The following ZNF787 variants were observed in gnomAD, a reference collection of about 807,000 sequenced individuals.
ZNF787 encodes TTF-I-interacting peptide 20.
A neutral mutation model predicts 16.9 loss-of-function variants in ZNF787; 7 were observed. The ratio of observed to expected loss-of-function variants is 0.42; its 90% CI spans 0.24 to 0.78. ZNF787 has a LOEUF of 0.78. ZNF787 is among the 30% of genes least tolerant of loss of function. ZNF787 has a pLI of 0.30. For synonymous variants in ZNF787, 345 were observed against 270.9 expected (o/e 1.27, Z -2.69); for missense variants, 551 against 589.3 (o/e 0.94, Z 0.67).
chr19:56,099,173 C>T (rs1985995015), intron 2 of ZNF787, among the ~76,000 whole-genome samples: 2 of 152,166 alleles, frequency 1.3e-5, no homozygotes, highest in Admixed American at 1.3e-4. Context: ...AGTGGCTTCC[C>T]AGGGCCCTCG....
intron 1 of ZNF787, among the ~76,000 whole-genome samples, chr19:56,114,912 C>T (rs1049846592): frequency 6.6e-6 from 1 of 152,160 alleles, no homozygotes; most frequent in African/African-American, 2.4e-5. Context: ...CAGCGCCACC[C>T]CTCCACTCCC....
In ZNF787 at chr19:56,113,293, T is replaced by C. The variant is rs1273164490; in HGVS notation, c.-11+7879A>G. On this transcript the variant is annotated intron_variant, in intron 1 of 2. Transcript: ENST00000610935. ...ACCCCCATTGCTGGTGCGGGCGCCATAGGAAACACCTGGCAGTTAGTTCCT... is the reference window on the plus strand; with the variant it reads ...ACCCCCATTGCTGGTGCGGGCGCCACAGGAAACACCTGGCAGTTAGTTCCT... Among the ~76,000 whole-genome samples, 5 of 152,040 alleles carry C rather than the reference T, an allele frequency of 3.3e-5. 1 individual carries two copies. Among genetic ancestry groups the C allele is most frequent in the Admixed American group, 1.3e-4 (2 of 15,274 alleles).
At chr19:56,107,467 C>T (rs59802422) in intron 1 of ZNF787, among the ~76,000 whole-genome samples, 3,726 of 151,818 alleles carry the variant, frequency 0.025, 157 homozygotes, top group African/African-American at 0.086. Flanking sequence ...AAACGAGGGT[C>T]ACCGGGAGAC....
At chr19:56,112,291 C>A (rs1221052524) in intron 1 of ZNF787, among the ~76,000 whole-genome samples, 1 of 152,118 alleles carries the variant, frequency 6.6e-6, no homozygotes, top group East Asian at 1.9e-4. Context: ...AAACGAGGGT[C>A]CCGGCCTCCC....
intron 1 of ZNF787, among the ~76,000 whole-genome samples, chr19:56,103,896 C>T (rs1166114720): frequency 1.6e-4 from 6 of 38,196 alleles, no homozygotes; most frequent in Non-Finnish European, 2.6e-4. Flanking sequence ...TCCCTACGCA[C>T]GCCGCCGACC....
rs1184265843 is a variant in ZNF787 at position 56,088,390 on chromosome 19, CCCGCCATGGCTGCCGCGG to C, written c.764_781del (p.Ala255_Ala260del). The C allele has an allele frequency of 1.2e-5, 13 of 1,104,490 alleles. No homozygotes were observed. The highest frequency in any genetic ancestry group is 1.4e-5 in the Non-Finnish European group (13 of 906,758). The allele number at this position is 1,104,490 out of a possible 1,614,324, so 68.4% of individuals were successfully genotyped here. On this transcript the variant is annotated inframe_deletion, in exon 3 of 3. Coordinates refer to ENST00000610935, the MANE Select transcript of ZNF787 (RefSeq NM_001002836.4). The surrounding 1 kb of genome is among the most constrained non-coding windows in gnomAD (Gnocchi z 8.6). ...GGGCCCCGCGGCCTTTGCCCCCGCG[CCCGCCATGGCTGCCGCGG>C]CCGCGGCCCCCTCGCCCGGCGCGCC... is the stretch of plus-strand genomic sequence containing the variant.
chr19:56,093,512 G>A (rs1253923560), intron 2 of ZNF787, among the ~76,000 whole-genome samples: 1 of 152,172 alleles, frequency 6.6e-6, no homozygotes, highest in Non-Finnish European at 1.5e-5. Context: ...TCCGTCAGGT[G>A]CAGGTCTTGG....
At chr19:56,089,185 C>T (rs1287934680) in intron 2 of ZNF787, 93 bp from the exon 3 acceptor site, 4 of 940,970 alleles carry the variant, frequency 4.3e-6, no homozygotes, top group East Asian at 3.0e-5. Flanking sequence ...TGCCTCGCTC[C>T]CCCTGGCGCA....
intron 1 of ZNF787, among the ~76,000 whole-genome samples, chr19:56,120,357 G>T (rs529999050): frequency 6.6e-4 from 100 of 152,272 alleles, no homozygotes; most frequent in Non-Finnish European, 1.0e-3. Context: ...GGAGGGCGGG[G>T]CTCCACTCTG....
At chr19:56,102,714 G>C (rs980279843) in intron 2 of ZNF787, 2 of 559,572 alleles carry the variant, frequency 3.6e-6, no homozygotes, top group African/African-American at 3.8e-5. Flanking sequence ...CGGGTTCCCT[G>C]CGCTCCTGGG....
rs533076346 is a variant in ZNF787, at chr19:56,087,945, T to G, written c.*78A>C. ...CCATCGCACCCCGTCCGCTTCTCCC[T>G]GGGTCTCTTGGTCTTGCACGTCGTC... On this transcript the variant is annotated 3_prime_UTR_variant, in exon 3 of 3. Coordinates refer to ENST00000610935, the MANE Select transcript of ZNF787 (RefSeq NM_001002836.4). 988 of 1,292,070 alleles carry G rather than the reference T, an allele frequency of 7.6e-4. 4 individuals are homozygous for G. In the Middle Eastern group the frequency reaches 0.012, roughly 16 times the overall value. 80.0% of individuals were successfully genotyped at this position (1,292,070 alleles called of 1,614,324 possible).
In ZNF787 at chr19:56,093,316, G is replaced by A. The variant is rs563879491; in HGVS notation, c.80-4224C>T. ...ATATTCCATAGACACAGGGGATGGC[G>A]GAAGTGGAATATTCCATAGACGCAG... On this transcript the variant is annotated intron_variant, in intron 2 of 2. Transcript: ENST00000610935. 9.2e-5 allele frequency among the ~76,000 whole-genome samples: 14 copies of A among 152,172 alleles called. 1 individual carries two copies. The highest frequency in any genetic ancestry group is 1.2e-4 in the African/African-American group (5 of 41,494).
chr19:56,115,354 C>CTTTTTT (rs543989293), intron 1 of ZNF787, among the ~76,000 whole-genome samples: 16 of 113,182 alleles, frequency 1.4e-4, no homozygotes, highest in African/African-American at 5.1e-4. Flanking sequence ...GATTTCGCTG[C>CTTTTTT]TTTTTTTTTT....
intron 1 of ZNF787, among the ~76,000 whole-genome samples, chr19:56,107,048 T>A (rs568318907): frequency 6.6e-6 from 1 of 152,296 alleles, no homozygotes; most frequent in South Asian, 2.1e-4. Flanking sequence ...TAAATTCATG[T>A]GCACAGATAT....
At chr19:56,106,157 T>C (rs548717227) in intron 1 of ZNF787, among the ~76,000 whole-genome samples, 1 of 152,294 alleles carries the variant, frequency 6.6e-6, no homozygotes, top group East Asian at 1.9e-4. Flanking sequence ...TCTGAACTCC[T>C]TTCCGTCCCT....
At chr19:56,112,098 C>T (rs1455488730) in intron 1 of ZNF787, among the ~76,000 whole-genome samples, 1 of 152,128 alleles carries the variant, frequency 6.6e-6, no homozygotes, top group Non-Finnish European at 1.5e-5. Flanking sequence ...ATGGGACCCT[C>T]ACCCGCAGAG....
Position 56,112,975 on chromosome 19 carries a change from G to A in ZNF787, c.-11+8197C>T, listed in dbSNP as rs111838986. 2.4e-3 allele frequency among the ~76,000 whole-genome samples: 348 copies of A among 145,736 alleles called. 1 individual carries two copies. Among genetic ancestry groups the A allele is most frequent in the African/African-American group, 7.4e-3 (290 of 39,418 alleles). ...CCATTCCCCTTCCCTTGGGGCTTTC[G>A]CTCCCTCCCACCACGATCCTGGCTC... On this transcript the variant is annotated intron_variant, in intron 1 of 2. Coordinates refer to ENST00000610935, the MANE Select transcript of ZNF787 (RefSeq NM_001002836.4).
rs1286478038 is a variant in ZNF787 at position 56,087,916 on chromosome 19, GGGTCCATCGCACCCCGT to G, written c.*90_*106del. 2.0e-5 allele frequency: 25 copies of G among 1,278,192 alleles called. No homozygotes were observed. The highest frequency in any genetic ancestry group is 2.5e-5 in the Non-Finnish European group (25 of 1,012,794). The allele number at this position is 1,278,192 out of a possible 1,614,324, so 79.2% of individuals were successfully genotyped here. On this transcript the variant is annotated 3_prime_UTR_variant, in exon 3 of 3. Transcript: ENST00000610935. ...AGGGCGGGGAGCCGGGGATGCCGCG[GGGTCCATCGCACCCCGT>G]CCGCTTCTCCCTGGGTCTCTTGGTC...
intron 1 of ZNF787, among the ~76,000 whole-genome samples, chr19:56,111,393 G>A (rs1211171963): frequency 6.6e-6 from 1 of 152,130 alleles, no homozygotes; most frequent in East Asian, 1.9e-4. Context: ...TGTAAGTGGG[G>A]TCCAAGGGCA....
Sources: allele counts gnomAD v4.1 joint callset (sites outside exome capture counted in the v4.1 genomes callset), GRCh38; gene constraint gnomAD v4.1.1; non-coding constraint Gnocchi (gnomAD v3.1); transcripts MANE v1.5; gene names NCBI Gene and HGNC (gene_info 2026-07-23, HGNC 2026-07-21).